TMEM232: variants seen among roughly 807,000 people sequenced by gnomAD.
The protein encoded by TMEM232 is transmembrane protein 232.
Under a neutral mutation model 78.8 loss-of-function variants are expected in TMEM232, and 80 were observed. The observed-to-expected ratio is 1.01, with a 90% CI of 0.85 to 1.22. TMEM232 has a LOEUF of 1.22. Ranked by LOEUF, TMEM232 falls within the 50% of genes most tolerant of loss-of-function variation. The pLI is 0.00. For missense variants in TMEM232, 881 were observed against 742.2 expected (o/e 1.19, Z -2.17); for synonymous variants, 297 against 254.3 (o/e 1.17, Z -1.60).
intron 12 of TMEM232, among the ~76,000 whole-genome samples, chr5:110,432,307 A>G (rs997799538): frequency 2.0e-5 from 3 of 151,766 alleles, no homozygotes; most frequent in Admixed American, 2.0e-4. Context: ...CTTACAAACC[A>G]GAAGATATTG....
chr5:110,526,417 G>GA (rs1285525770), intron 12 of TMEM232, among the ~76,000 whole-genome samples: 2 of 151,476 alleles, frequency 1.3e-5, no homozygotes, highest in African/African-American at 2.4e-5. Flanking sequence ...TCCAAATAAA[G>GA]AAAAAACAAA....
At position 110,635,533 on chromosome 5, in the gene TMEM232, T is replaced by C. The variant is rs553415350; in HGVS notation, c.501+2665A>G. 3.0e-4 allele frequency among the ~76,000 whole-genome samples: 46 copies of C among 152,026 alleles called. 1 individual carries two copies. The highest frequency in any genetic ancestry group is 1.1e-3 in the African/African-American group (46 of 41,512). ...AGGGAATCAAGAATGATTCAACATA[T>C]GCAAATCAATAAACATGATAAATCA... On this transcript the variant is annotated intron_variant, in intron 5 of 13. Coordinates refer to ENST00000455884, the MANE Select transcript of TMEM232 (RefSeq NM_001039763.4).
chr5:110,490,990 A>G (rs1343586590), intron 12 of TMEM232, among the ~76,000 whole-genome samples: 1 of 152,112 alleles, frequency 6.6e-6, no homozygotes, highest in East Asian at 1.9e-4. Flanking sequence ...CACTTCATCA[A>G]AACTAAAAAC....
At chr5:110,660,020 C>A (rs913440003) in intron 2 of TMEM232, among the ~76,000 whole-genome samples, 2 of 151,644 alleles carry the variant, frequency 1.3e-5, no homozygotes, top group Admixed American at 1.3e-4. Context: ...TAAATAATAC[C>A]CAATAATTTT....
intron 12 of TMEM232, among the ~76,000 whole-genome samples, chr5:110,461,597 T>C (rs951614694): frequency 6.6e-6 from 1 of 152,228 alleles, no homozygotes; most frequent in Non-Finnish European, 1.5e-5. Context: ...TGAAAAGGTT[T>C]TTTATTGGAA....
chr5:110,597,594 C>G (rs538260269), intron 10 of TMEM232, among the ~76,000 whole-genome samples: 276 of 151,612 alleles, frequency 1.8e-3, no homozygotes, highest in African/African-American at 6.2e-3. Flanking sequence ...GGAGGCATCA[C>G]GCTACCTGAC....
chr5:110,467,393 T>G (rs915138731), intron 12 of TMEM232, among the ~76,000 whole-genome samples: 3 of 152,210 alleles, frequency 2.0e-5, no homozygotes, highest in Admixed American at 6.5e-5. Context: ...GCTGATGAGA[T>G]AAAACTGAAT....
At chr5:110,624,859 ATAATGT>A (rs1176155197) in intron 7 of TMEM232, among the ~76,000 whole-genome samples, 1 of 152,146 alleles carries the variant, frequency 6.6e-6, no homozygotes, top group African/African-American at 2.4e-5. Context: ...TTCAACTCGC[ATAATGT>A]TAAACGTATT....
At chr5:110,446,668 CTG>C (rs371664747) in intron 12 of TMEM232, among the ~76,000 whole-genome samples, 1 of 152,286 alleles carries the variant, frequency 6.6e-6, no homozygotes, top group East Asian at 1.9e-4. Context: ...TATCCCACCA[CTG>C]TTTTATTCCA....
At chr5:110,500,230 A>G (rs1215823466) in intron 12 of TMEM232, among the ~76,000 whole-genome samples, 3 of 145,660 alleles carry the variant, frequency 2.1e-5, no homozygotes, top group African/African-American at 7.9e-5. Context: ...TGGAGGTTGC[A>G]GTGAGCCGAG....
chr5:110,462,306 T>A lies in TMEM232; in HGVS notation c.1704-37390A>T, dbSNP rs78951354. On this transcript the variant is annotated intron_variant, in intron 12 of 13. Coordinates refer to ENST00000455884, the MANE Select transcript of TMEM232 (RefSeq NM_001039763.4). Reference sequence around the variant, plus strand: ...GGTTAATATTGAGTGTCAACTTTGATTGGATTGAAGGATGCAAAGTACTGT... The same window carrying A: ...GGTTAATATTGAGTGTCAACTTTGAATGGATTGAAGGATGCAAAGTACTGT... Among the ~76,000 whole-genome samples the A allele has an allele frequency of 4.3e-3, 660 of 152,264 alleles. 4 individuals carry two copies. Among genetic ancestry groups the A allele is most frequent in the African/African-American group, 0.015 (634 of 41,558 alleles).
Position 110,719,175 on chromosome 5 carries a change from A to G in TMEM232, c.-13+7452T>C, listed in dbSNP as rs540197095. Among the ~76,000 whole-genome samples, 4 of 151,964 alleles carry G rather than the reference A, an allele frequency of 2.6e-5. No homozygotes were observed. In the South Asian group the frequency reaches 8.3e-4, roughly 32 times the overall value. On this transcript the variant is annotated intron_variant, in intron 1 of 13. Coordinates refer to ENST00000455884, the MANE Select transcript of TMEM232 (RefSeq NM_001039763.4). The stretch of plus-strand genomic sequence containing the variant: ...TACATGACTGCGTGTGTGTATATAC[A>G]TATGTATATACATGTATATATGTAT...
At chr5:110,475,511 G>A (rs1457647818) in intron 12 of TMEM232, among the ~76,000 whole-genome samples, 2 of 137,626 alleles carry the variant, frequency 1.5e-5, no homozygotes, top group African/African-American at 5.4e-5. Context: ...AAACAGTGAA[G>A]GATAAAAATC....
intron 1 of TMEM232, among the ~76,000 whole-genome samples, chr5:110,713,303 T>C (rs1796686442): frequency 6.6e-6 from 1 of 152,104 alleles, no homozygotes; most frequent in African/African-American, 2.4e-5. Flanking sequence ...GCAAAATATT[T>C]ATATATAAAG....
chr5:110,460,187 G>A (rs184864596), intron 12 of TMEM232, among the ~76,000 whole-genome samples: 16 of 152,180 alleles, frequency 1.1e-4, no homozygotes, highest in Non-Finnish European at 2.1e-4. Context: ...AGTGTTCTGT[G>A]TTTATATAAG....
In TMEM232 at chr5:110,636,149, A is replaced by C. The variant is rs554155417; in HGVS notation, c.501+2049T>G. ...TGGGAGTCACTATGTTAAATGAAAT[A>C]AGCTAGGCACAGAAATACAAAAACC... On this transcript the variant is annotated intron_variant, in intron 5 of 13. Coordinates refer to ENST00000455884, the MANE Select transcript of TMEM232 (RefSeq NM_001039763.4). Among the ~76,000 whole-genome samples the C allele has an allele frequency of 1.6e-4, 24 of 152,154 alleles. No individual in the cohort carries two copies. The East Asian group carries it at 4.6e-3, about 29-fold the overall frequency.
intron 11 of TMEM232, among the ~76,000 whole-genome samples, chr5:110,566,169 T>C (rs913809727): frequency 1.1e-4 from 16 of 151,936 alleles, no homozygotes; most frequent in African/African-American, 2.4e-5. Context: ...ATGCTTTTTA[T>C]AGTCTGCTTT....
chr5:110,508,543 T>C (rs1580991445), intron 12 of TMEM232, among the ~76,000 whole-genome samples: 1 of 151,454 alleles, frequency 6.6e-6, no homozygotes, highest in East Asian at 1.9e-4. Context: ...ACCTTCCTCA[T>C]GCCCTCCTTC....
chr5:110,653,604 A>C (rs1337790522), intron 2 of TMEM232, among the ~76,000 whole-genome samples: 2 of 152,332 alleles, frequency 1.3e-5, no homozygotes, highest in African/African-American at 4.8e-5. Flanking sequence ...AGCTAAATCA[A>C]GTTAAAATTG....
Sources: gnomAD v4.1 joint callset for allele counts (sites outside exome capture counted in the v4.1 genomes callset) on GRCh38, gnomAD v4.1.1 for gene constraint, MANE v1.5 for transcripts, NCBI Gene and HGNC (gene_info 2026-07-23, HGNC 2026-07-21) for gene names.